The following PRKCH variants were observed in gnomAD, a reference collection of about 807,000 sequenced individuals.
PRKCH encodes protein kinase C eta, also known as protein kinase C eta type.
PRKCH carries 28 observed loss-of-function variants against 82.5 expected under a neutral mutation model. The ratio of observed to expected loss-of-function variants is 0.34; its 90% CI spans 0.25 to 0.47. PRKCH has a LOEUF of 0.47. Among genes scored for constraint, PRKCH ranks in the 20% least tolerant of loss-of-function variants. The probability of loss-of-function intolerance (pLI) is 1.00; values close to 1 mark genes in which losing one functional copy is unlikely to be tolerated. For missense variants in PRKCH, 705 were observed against 881.8 expected (o/e 0.80, Z 2.54); for synonymous variants, 322 against 327.4 (o/e 0.98, Z 0.18).
chr14:61,506,694 G>A (rs751513685), intron 10 of PRKCH, among the ~76,000 whole-genome samples: 10 of 152,188 alleles, frequency 6.6e-5, no homozygotes, highest in Non-Finnish European at 1.0e-4. Context: ...CTGGCTGCCT[G>A]ATCTTCCCTA....
At chr14:61,261,569 A>C (rs2045043852) in intron 1 of PRKCH, among the ~76,000 whole-genome samples, 2 of 152,210 alleles carry the variant, frequency 1.3e-5, no homozygotes, top group Admixed American at 6.5e-5. Flanking sequence ...ATTTATTTCG[A>C]GGTCTGAATC....
chr14:61,194,895 G>A (rs572743970), intron 1 of PRKCH, among the ~76,000 whole-genome samples: 3 of 152,150 alleles, frequency 2.0e-5, no homozygotes, highest in South Asian at 2.1e-4. Flanking sequence ...CACCATGCCC[G>A]GATAATTTTT....
rs1426889619 is a variant in PRKCH at position 61,272,464 on chromosome 14, C to G, written c.-19+84796C>G. 1.3e-4 allele frequency among the ~76,000 whole-genome samples: 19 copies of G among 148,104 alleles called. No homozygotes were observed. In the East Asian group the frequency reaches 4.0e-3, roughly 32 times the overall value. On this transcript the variant is annotated intron_variant, in intron 1 of 3. Transcript: ENST00000555185. Reference sequence around the variant, plus strand: ...CACCTCTCAGGTTCAAGCGATTCTCCTGCCTCAGCCTCCTGAGTAGCTGGG... The same window carrying G: ...CACCTCTCAGGTTCAAGCGATTCTCGTGCCTCAGCCTCCTGAGTAGCTGGG...
intron 2 of PRKCH, among the ~76,000 whole-genome samples, chr14:61,418,288 C>G (rs955495229): frequency 1.3e-5 from 2 of 152,200 alleles, no homozygotes; most frequent in East Asian, 1.9e-4. Context: ...GGGCCAGGCT[C>G]TAGCCTGTGT....
intron 1 of PRKCH, among the ~76,000 whole-genome samples, chr14:61,219,875 T>G (rs2044641548): frequency 6.6e-6 from 1 of 152,156 alleles, no homozygotes; most frequent in Non-Finnish European, 1.5e-5. Context: ...TGCTTTGGTG[T>G]AATATTGAGA....
chr14:61,509,776 A>G (rs1268930505), intron 10 of PRKCH, among the ~76,000 whole-genome samples: 1 of 152,070 alleles, frequency 6.6e-6, no homozygotes, highest in East Asian at 1.9e-4. Context: ...CTAGCCATGC[A>G]TGGTGGTGGG....
At chr14:61,378,542 A>G (rs1288846761) in intron 1 of PRKCH, among the ~76,000 whole-genome samples, 1 of 152,150 alleles carries the variant, frequency 6.6e-6, no homozygotes, top group African/African-American at 2.4e-5. Flanking sequence ...TGACCTATTC[A>G]GTTGAGACCG....
intron 1 of PRKCH, among the ~76,000 whole-genome samples, chr14:61,325,985 C>G (rs1440922682): frequency 2.0e-5 from 3 of 152,096 alleles, no homozygotes; most frequent in Non-Finnish European, 4.4e-5. Context: ...AGTGGAGCAC[C>G]TGGAACTCTC....
At chr14:61,413,145 G>A (rs568751265) in intron 2 of PRKCH, among the ~76,000 whole-genome samples, 6 of 152,004 alleles carry the variant, frequency 3.9e-5, no homozygotes, top group African/African-American at 9.7e-5. Context: ...TTGTATCTGC[G>A]TCTCACCACC....
intron 1 of PRKCH, chr14:61,327,116 G>A (rs1357205893): frequency 1.1e-5 from 5 of 455,888 alleles, no homozygotes; most frequent in Non-Finnish European, 2.2e-5. Flanking sequence ...TCCTGGTTCA[G>A]CCCTCCCGAA....
chr14:61,545,799 A>G (rs548342223), intron 12 of PRKCH, among the ~76,000 whole-genome samples: 2 of 152,300 alleles, frequency 1.3e-5, no homozygotes, highest in South Asian at 4.1e-4. Flanking sequence ...CCTCTTCCAC[A>G]GTGCCCCATG....
intron 1 of PRKCH, among the ~76,000 whole-genome samples, chr14:61,250,238 A>AAAAT (rs371406494): frequency 0.21 from 28,881 of 139,104 alleles, 3,166 homozygotes; most frequent in Non-Finnish European, 0.22. Context: ...CTCAGTCTCA[A>AAAAT]AAATAAATAA....
chr14:61,237,412 G>T (rs567436677), intron 1 of PRKCH, among the ~76,000 whole-genome samples: 1 of 152,204 alleles, frequency 6.6e-6, no homozygotes, highest in East Asian at 1.9e-4. Flanking sequence ...TCTACATTCT[G>T]TAGAGAACTC....
intron 1 of PRKCH, among the ~76,000 whole-genome samples, chr14:61,248,794 A>G (rs74604908): frequency 0.023 from 100 of 4,310 alleles, no homozygotes; most frequent in Admixed American, 0.056. Context: ...GTATGTATGT[A>G]TGTATGTGTG....
At chr14:61,417,600 C>T (rs1310748187) in intron 2 of PRKCH, among the ~76,000 whole-genome samples, 1 of 152,118 alleles carries the variant, frequency 6.6e-6, no homozygotes, top group South Asian at 2.1e-4. Context: ...GAAAGTATAT[C>T]GGCACTTGTG....
At chr14:61,409,975 CTG>C (rs1387044178) in intron 2 of PRKCH, among the ~76,000 whole-genome samples, 2 of 152,100 alleles carry the variant, frequency 1.3e-5, no homozygotes, top group African/African-American at 2.4e-5. Flanking sequence ...CTTGGAGTGA[CTG>C]TGGTTGTTTA....
intron 2 of PRKCH, among the ~76,000 whole-genome samples, chr14:61,400,542 C>T (rs1006934475): frequency 2.6e-5 from 4 of 152,066 alleles, no homozygotes; most frequent in African/African-American, 7.2e-5. Flanking sequence ...TGGAAACGGG[C>T]GAATGATGTT....
At chr14:61,239,488 A>C (rs2044817408) in intron 1 of PRKCH, among the ~76,000 whole-genome samples, 1 of 152,166 alleles carries the variant, frequency 6.6e-6, no homozygotes, top group African/African-American at 2.4e-5. Flanking sequence ...GCTTCGAGGT[A>C]CCCGGATGGC....
chr14:61,379,825 C>T (rs906895387), intron 1 of PRKCH, among the ~76,000 whole-genome samples: 18 of 152,150 alleles, frequency 1.2e-4, no homozygotes, highest in Non-Finnish European at 2.1e-4. Flanking sequence ...GTAAGGAGAA[C>T]GTATGCTCCC....
Sources: gnomAD v4.1 joint callset for allele counts (sites outside exome capture counted in the v4.1 genomes callset) on GRCh38, gnomAD v4.1.1 for gene constraint, MANE v1.5 for transcripts, NCBI Gene and HGNC (gene_info 2026-07-23, HGNC 2026-07-21) for gene names.